Variants in NCMAP observed in about 807,000 individuals in gnomAD.
NCMAP encodes the protein noncompact myelin-associated protein.
NCMAP carries 8 observed loss-of-function variants against 7.8 expected under a neutral mutation model. The observed-to-expected ratio is 1.02, with a 90% CI of 0.60 to 1.84. The LOEUF (loss-of-function observed/expected upper bound fraction) is 1.84. Among genes scored for constraint, NCMAP ranks in the 40% most tolerant of loss-of-function variants. The probability of loss-of-function intolerance (pLI) is 0.00; values close to 1 mark genes in which losing one functional copy is unlikely to be tolerated. For synonymous variants in NCMAP, 41 were observed against 52.9 expected, an observed-to-expected ratio of 0.78 and a Z score of 0.98; for missense variants, 112 against 131.4, an observed-to-expected ratio of 0.85 and a Z score of 0.72.
intron 1 of NCMAP, among the ~76,000 whole-genome samples, chr1:24,559,613 G>A (rs1313616265): frequency 1.3e-5 from 2 of 152,226 alleles, no homozygotes; most frequent in African/African-American, 4.8e-5. Context: ...AGAGAGGCCT[G>A]TTCTCTAGCT....
At chr1:24,573,497 A>G (rs1425332546) in intron 1 of NCMAP, among the ~76,000 whole-genome samples, 1 of 150,758 alleles carries the variant, frequency 6.6e-6, no homozygotes, top group African/African-American at 2.5e-5. Context: ...CTGAGGCAGG[A>G]GACTCACTTG....
intron 1 of NCMAP, among the ~76,000 whole-genome samples, chr1:24,578,933 C>T (rs1320394853): frequency 2.0e-5 from 3 of 148,782 alleles, no homozygotes; most frequent in South Asian, 2.1e-4. Context: ...AGTAGATCTC[C>T]TTTCCATCTA....
intron 1 of NCMAP, among the ~76,000 whole-genome samples, chr1:24,593,492 C>CAAAT (rs560073158): frequency 6.6e-6 from 1 of 151,812 alleles, no homozygotes; most frequent in Non-Finnish European, 1.5e-5. Flanking sequence ...GACTCCATCT[C>CAAAT]AAATAAATAA....
In NCMAP at chr1:24,572,414, T is replaced by C. The variant is rs574236271; in HGVS notation, c.-8+16245T>C. ...ACCTGCTCTTTCCCGAGGCAGTCAG[T>C]GGTCACTGAATGGTGCAGGCTGGGG... On this transcript the variant is annotated intron_variant, in intron 1 of 3. Coordinates refer to ENST00000374392, the MANE Select transcript of NCMAP (RefSeq NM_001010980.5). 2.0e-5 allele frequency among the ~76,000 whole-genome samples: 3 copies of C among 150,796 alleles called. No homozygotes were observed. In the East Asian group the frequency reaches 5.8e-4, roughly 29 times the overall value.
intron 1 of NCMAP, among the ~76,000 whole-genome samples, chr1:24,560,230 C>A (rs1233789421): frequency 2.0e-5 from 3 of 151,762 alleles, no homozygotes; most frequent in African/African-American, 4.8e-5. Flanking sequence ...TGGGGAGCTA[C>A]CTTTTGGGGC....
intron 1 of NCMAP, among the ~76,000 whole-genome samples, chr1:24,577,788 G>A (rs2148930002): frequency 6.6e-6 from 1 of 152,158 alleles, no homozygotes; most frequent in East Asian, 1.9e-4. Flanking sequence ...GAGCTTTTGG[G>A]AGACTTAGTG....
Position 24,605,918 on chromosome 1 carries a change from C to A in NCMAP, c.*171C>A. On this transcript the variant is annotated 3_prime_UTR_variant, in exon 4 of 4. Coordinates refer to ENST00000374392, the MANE Select transcript of NCMAP (RefSeq NM_001010980.5). The stretch of plus-strand genomic sequence containing the variant: ...CAATCCTCAACCTTGTCTGCCCTGC[C>A]CTACCCCAACTGTGTCCACATCCCT... 1.4e-6 allele frequency: 1 copy of A among 740,226 alleles called. No homozygotes were observed. The highest frequency in any genetic ancestry group is 2.1e-6 in the Non-Finnish European group (1 of 467,462). The allele number at this position is 740,226 out of a possible 1,614,324, so 45.9% of individuals were successfully genotyped here. A position where few individuals can be genotyped will look rare whatever the true frequency, so the allele number is the denominator to read the frequency against.
chr1:24,560,942 G>A (rs891324803), intron 1 of NCMAP, among the ~76,000 whole-genome samples: 1 of 152,034 alleles, frequency 6.6e-6, no homozygotes, highest in African/African-American at 2.4e-5. Context: ...CACCCCCAGA[G>A]ATGAGTATTA....
chr1:24,577,405 T>G (rs1651607818), intron 1 of NCMAP, among the ~76,000 whole-genome samples: 1 of 114,304 alleles, frequency 8.7e-6, no homozygotes, highest in African/African-American at 3.7e-5. Context: ...GGCCTTGTTT[T>G]TTTTTTTTTT....
At chr1:24,583,790 G>A (rs1557598511) in intron 1 of NCMAP, among the ~76,000 whole-genome samples, 1 of 151,386 alleles carries the variant, frequency 6.6e-6, no homozygotes, top group Non-Finnish European at 1.5e-5. Flanking sequence ...CCATCAGAGT[G>A]TCCCCAGGAA....
chr1:24,579,255 C>A (rs1216873911), intron 1 of NCMAP, among the ~76,000 whole-genome samples: 1 of 151,394 alleles, frequency 6.6e-6, no homozygotes, highest in African/African-American at 2.4e-5. Context: ...GCATCCTGTT[C>A]TTGTTTTATA....
At chr1:24,583,234 T>C (rs1265058183) in intron 1 of NCMAP, among the ~76,000 whole-genome samples, 1 of 140,792 alleles carries the variant, frequency 7.1e-6, no homozygotes, top group African/African-American at 2.8e-5. Context: ...GCTACTGGCA[T>C]CTAGTGAGCA....
At chr1:24,603,894 T>G (rs1280770655) in intron 3 of NCMAP, among the ~76,000 whole-genome samples, 1 of 152,244 alleles carries the variant, frequency 6.6e-6, no homozygotes. Context: ...TCACAGAATA[T>G]CTGAGACTGG....
rs1346306687 is a variant in NCMAP at position 24,606,241 on chromosome 1, T to C, written c.*494T>C. ...AACTAACCAGAAAACCTTGTTAACG[T>C]ATAACTTGTTCCAGTACTACATCTC... On this transcript the variant is annotated 3_prime_UTR_variant, in exon 4 of 4. Coordinates refer to ENST00000374392, the MANE Select transcript of NCMAP (RefSeq NM_001010980.5). The C allele has an allele frequency of 6.5e-6, 1 of 153,402 alleles. No individual in the cohort carries two copies. Among genetic ancestry groups the C allele is most frequent in the East Asian group, 1.9e-4 (1 of 5,228 alleles). 9.5% of individuals were successfully genotyped at this position (153,402 alleles called of 1,614,324 possible).
Position 24,560,467 on chromosome 1 carries a change from G to A in NCMAP, c.-8+4298G>A, listed in dbSNP as rs184992265. Among the ~76,000 whole-genome samples, 13 of 152,272 alleles carry A rather than the reference G, an allele frequency of 8.5e-5. No individual in the cohort carries two copies. In the East Asian group the frequency reaches 1.4e-3, roughly 16 times the overall value. ...ACCTGGGGTGTTTCCTTAGTCTGTCGTGTAATAAAAAACAAATGTGGGCCC... is the reference window on the plus strand; with the variant it reads ...ACCTGGGGTGTTTCCTTAGTCTGTCATGTAATAAAAAACAAATGTGGGCCC... On this transcript the variant is annotated intron_variant, in intron 1 of 3. Coordinates refer to ENST00000374392, the MANE Select transcript of NCMAP (RefSeq NM_001010980.5).
intron 3 of NCMAP, among the ~76,000 whole-genome samples, chr1:24,604,591 AAAAAAAAAAAAAAAATATATATATATAT>A (rs1557605218): frequency 6.1e-4 from 38 of 62,732 alleles, no homozygotes; most frequent in Admixed American, 8.4e-4. Context: ...AAAAAAAAAA[AAAAAAAAAAAAAAAATATATATATATAT>A]ATATATATAT....
chr1:24,591,379 T>G (rs1206130773), intron 1 of NCMAP, among the ~76,000 whole-genome samples: 1 of 152,216 alleles, frequency 6.6e-6, no homozygotes, highest in Non-Finnish European at 1.5e-5. Flanking sequence ...GCGATTCTTC[T>G]GCCTCAGCCT....
chr1:24,571,060 T>A (rs1651375527), intron 1 of NCMAP, among the ~76,000 whole-genome samples: 1 of 150,790 alleles, frequency 6.6e-6, no homozygotes, highest in African/African-American at 2.5e-5. Flanking sequence ...TTGAGACTTC[T>A]CTTGGAGTTC....
chr1:24,561,586 T>C lies in NCMAP; in HGVS notation c.-8+5417T>C, dbSNP rs55876088. On this transcript the variant is annotated intron_variant, in intron 1 of 3. Coordinates refer to ENST00000374392, the MANE Select transcript of NCMAP (RefSeq NM_001010980.5). ...GCCAGGCCCTTCACTGTGGAAGCTC[T>C]AACCTCACAGTACTGCCTTGAGCAA... Among the ~76,000 whole-genome samples the C allele has an allele frequency of 6.8e-3, 1,032 of 152,176 alleles. 8 individuals carry two copies. Among genetic ancestry groups the C allele is most frequent in the Middle Eastern group, 0.027 (8 of 294 alleles).
Sources: allele counts gnomAD v4.1 joint callset (sites outside exome capture counted in the v4.1 genomes callset), GRCh38; gene constraint gnomAD v4.1.1; transcripts MANE v1.5; gene names NCBI Gene and HGNC (gene_info 2026-07-23, HGNC 2026-07-21).